SS18: variants seen among roughly 807,000 people sequenced by gnomAD.
SS18 encodes SS18 subunit of BAF chromatin remodeling complex.
Under a neutral mutation model 72.5 loss-of-function variants are expected in SS18, and 28 were observed. The observed-to-expected ratio is 0.39, with a 90% CI of 0.29 to 0.53. The LOEUF (loss-of-function observed/expected upper bound fraction) is 0.53, where lower values mean the gene tolerates loss of function less well. SS18 is among the 20% of genes least tolerant of loss of function. The pLI, the probability that SS18 is intolerant of heterozygous loss-of-function variation, is 0.76. For synonymous variants in SS18, 172 were observed against 164.2 expected, an observed-to-expected ratio of 1.05 and a Z score of -0.37; for missense variants, 518 against 535.3, an observed-to-expected ratio of 0.97 and a Z score of 0.32.
At chr18:26,090,615 A>T (rs1306122817), upstream of SS18, 8 of 1,540,036 alleles carry the variant, frequency 5.2e-6, no homozygotes, top group Non-Finnish European at 5.3e-6. Flanking sequence ...GCTCCGGGTG[A>T]ACGGCAAACT....
chr18:26,091,117 C>T (rs1245855030), upstream of SS18: 2 of 153,656 alleles, frequency 1.3e-5, no homozygotes, highest in Non-Finnish European at 2.9e-5. Context: ...AGAGTGGCCG[C>T]CCCGAGTTGT....
chr18:26,049,758 C>G (rs1337529083), intron 5 of SS18, among the ~76,000 whole-genome samples: 1 of 152,190 alleles, frequency 6.6e-6, no homozygotes, highest in Non-Finnish European at 1.5e-5. Flanking sequence ...TCAAGTGATC[C>G]TCCCATTTCA....
rs182517539 is a variant in SS18, at chr18:26,048,550, T to C, written c.607+4074A>G. 1.1e-4 allele frequency among the ~76,000 whole-genome samples: 16 copies of C among 152,294 alleles called. 1 individual carries two copies. In the East Asian group the frequency reaches 2.1e-3, roughly 20 times the overall value. ...TATCTCTTAATAATCCATTGTGTAA[T>C]AGTAAGAGATAATAAGATAATAATA... On this transcript the variant is annotated intron_variant, in intron 5 of 10. Transcript: ENST00000415083.
rs549089307 is a variant in SS18, at chr18:26,052,570, C to T, written c.607+54G>A. On this transcript the variant is annotated intron_variant, in intron 5 of 10. Transcript: ENST00000415083. ...TAAGAACCTGACAACAATCATTTTA[C>T]TTTTCAAAGGCTAATAGAGCACTCT... 2.5e-5 allele frequency: 35 copies of T among 1,426,362 alleles called. No individual in the cohort carries two copies. The African/African-American group carries it at 4.5e-4, about 18-fold the overall frequency. 88.4% of individuals were successfully genotyped at this position (1,426,362 alleles called of 1,614,324 possible).
chr18:26,065,362 C>T (rs1276255887), intron 3 of SS18, among the ~76,000 whole-genome samples: 1 of 151,960 alleles, frequency 6.6e-6, no homozygotes, highest in Non-Finnish European at 1.5e-5. Flanking sequence ...ACAAACAGAC[C>T]AACAGAACAG....
rs2053608480 is a variant in SS18 at position 26,035,246 on chromosome 18, G to GA, written c.974-120dup. On this transcript the variant is annotated intron_variant, in intron 8 of 10. Coordinates refer to ENST00000415083, the MANE Select transcript of SS18 (RefSeq NM_001007559.3). This position sits in a 1 kb window ranked among gnomAD's most constrained non-coding sequence, Gnocchi z 4.4. The stretch of plus-strand genomic sequence containing the variant: ...AAATGAAATGCCATATTGATTTTTA[G>GA]AAGTTAACAAAACAAAGAAAAAACT... The GA allele has an allele frequency of 8.0e-7, 1 of 1,243,642 alleles. No individual in the cohort carries two copies. Among genetic ancestry groups the GA allele is most frequent in the Non-Finnish European group, 1.1e-6 (1 of 917,674 alleles). 77.0% of individuals were successfully genotyped at this position (1,243,642 alleles called of 1,614,324 possible).
rs58222135 is a variant in SS18 at position 26,065,800 on chromosome 18, C to CATATAT, written c.232-8064_232-8059dup. On this transcript the variant is annotated intron_variant, in intron 3 of 10. Coordinates refer to ENST00000415083, the MANE Select transcript of SS18 (RefSeq NM_001007559.3). ...AATATATAAAGAATGCCTACAAATC[C>CATATAT]ATATATATATATATATATATATATG... 3.9e-3 allele frequency among the ~76,000 whole-genome samples: 217 copies of CATATAT among 55,600 alleles called. 9 individuals carry two copies. The highest frequency in any genetic ancestry group is 8.8e-3 in the African/African-American group (185 of 20,936). 36.5% of individuals were successfully genotyped at this position (55,600 alleles called of 152,430 possible).
intron 5 of SS18, among the ~76,000 whole-genome samples, chr18:26,046,818 G>C (rs900358901): frequency 6.6e-6 from 1 of 152,210 alleles, no homozygotes; most frequent in Non-Finnish European, 1.5e-5. Flanking sequence ...TGCATGAACT[G>C]ACAGATGCAC....
In SS18 at chr18:26,034,998, GC is replaced by G. The variant is rs1356824671; in HGVS notation, c.1096+6del. On this transcript the variant is annotated splice_donor_region_variant and intron_variant, in intron 9 of 10. Coordinates refer to ENST00000415083, the MANE Select transcript of SS18 (RefSeq NM_001007559.3). Reference sequence around the variant, plus strand: ...TGGTGATAAAAATACACTGTACAAAGCTTTACCGTAGCCCTGCTGCTGTCCT... The same window carrying G: ...TGGTGATAAAAATACACTGTACAAAGTTTACCGTAGCCCTGCTGCTGTCCT... 2.5e-6 allele frequency: 4 copies of G among 1,612,552 alleles called. No homozygotes were observed. Among genetic ancestry groups the G allele is most frequent in the African/African-American group, 2.7e-5 (2 of 74,896 alleles).
At chr18:26,025,239 A>G (rs2143795321) in intron 10 of SS18, among the ~76,000 whole-genome samples, 1 of 152,296 alleles carries the variant, frequency 6.6e-6, no homozygotes, top group Non-Finnish European at 1.5e-5. Flanking sequence ...GTTTAAGAAT[A>G]CTTAGAAAGA....
At chr18:26,072,240 T>C (rs912877083) in intron 3 of SS18, among the ~76,000 whole-genome samples, 2 of 151,314 alleles carry the variant, frequency 1.3e-5, no homozygotes, top group African/African-American at 4.9e-5. Flanking sequence ...ATAGTAAATA[T>C]GTAAGATTTC....
In SS18 at chr18:26,087,566, G is replaced by T; in HGVS notation, c.81C>A (p.Asp27Glu). ...TPAAIQKMLD[D>E]NNHLIQCIMD... The stretch of plus-strand genomic sequence containing the variant: ...TTATACACTGAATAAGATGGTTATT[G>T]TCATCCAACATCTGAAACAGAATTA... Residue 27 changes from aspartate to glutamate, a missense_variant, in exon 2 of 11, where the codon GAC becomes GAA. Transcript: ENST00000415083. 1 of 1,580,226 alleles carries T rather than the reference G, an allele frequency of 6.3e-7. No homozygotes were observed. Among genetic ancestry groups the T allele is most frequent in the Non-Finnish European group, 8.7e-7 (1 of 1,155,052 alleles).
intron 1 of SS18, among the ~76,000 whole-genome samples, chr18:26,088,668 T>C (rs1358620840): frequency 2.0e-5 from 3 of 152,184 alleles, no homozygotes; most frequent in Admixed American, 6.5e-5. Flanking sequence ...GTGCCAGTTT[T>C]GCCATTTTGA....
intron 10 of SS18, among the ~76,000 whole-genome samples, chr18:26,024,225 T>A (rs919138666): frequency 6.6e-6 from 1 of 152,184 alleles, no homozygotes; most frequent in Non-Finnish European, 1.5e-5. Flanking sequence ...AGTATTTAAG[T>A]ATTTAAGGCT....
intron 3 of SS18, among the ~76,000 whole-genome samples, chr18:26,072,189 T>C (rs2054322098): frequency 1.3e-5 from 2 of 152,130 alleles, no homozygotes; most frequent in African/African-American, 4.8e-5. Context: ...GGTCCTTTGA[T>C]TGGGATGTAT....
chr18:26,056,901 C>A (rs1337410089), intron 4 of SS18, among the ~76,000 whole-genome samples: 1 of 152,064 alleles, frequency 6.6e-6, no homozygotes, highest in Non-Finnish European at 1.5e-5. Context: ...TTCAAACCAG[C>A]CAAAGGTAAC....
At chr18:26,054,549 G>C (rs2053981174) in intron 4 of SS18, among the ~76,000 whole-genome samples, 1 of 151,882 alleles carries the variant, frequency 6.6e-6, no homozygotes, top group African/African-American at 2.4e-5. Context: ...TTGTAAAAAA[G>C]AACATGATAG....
At chr18:26,034,929 T>C (rs2053601756) in intron 9 of SS18, 76 bp downstream of exon 9, 1 of 1,522,848 alleles carries the variant, frequency 6.6e-7, no homozygotes, top group African/African-American at 1.4e-5. Flanking sequence ...AAAATAAGTA[T>C]TAAATATCCA....
At chr18:26,036,542 G>A (rs1213364926) in intron 7 of SS18, among the ~76,000 whole-genome samples, 3 of 151,992 alleles carry the variant, frequency 2.0e-5, no homozygotes, top group East Asian at 3.8e-4. Flanking sequence ...AATTAATATT[G>A]TGTTGACAGA....
Sources: gnomAD v4.1 joint callset for allele counts (sites outside exome capture counted in the v4.1 genomes callset) on GRCh38, gnomAD v4.1.1 for gene constraint, Gnocchi (gnomAD v3.1) non-coding constraint, MANE v1.5 for transcripts, NCBI Gene and HGNC (gene_info 2026-07-23, HGNC 2026-07-21) for gene names.